Variants in SLC33A1 observed in about 807,000 individuals in gnomAD.
SLC33A1 encodes acetyl-coenzyme A transporter 1.
A neutral mutation model predicts 50.0 loss-of-function variants in SLC33A1; 20 were observed. That is an observed-to-expected ratio of 0.40 (90% confidence interval 0.28 to 0.58). The LOEUF (loss-of-function observed/expected upper bound fraction) is 0.58. Ranked by LOEUF, SLC33A1 falls within the 20% of genes least tolerant of loss-of-function variation. SLC33A1 has a pLI of 0.44. For missense variants in SLC33A1, 476 were observed against 657.0 expected, an observed-to-expected ratio of 0.72 and a Z score of 3.01; for synonymous variants, 265 against 251.8, an observed-to-expected ratio of 1.05 and a Z score of -0.50.
At chr3:155,851,390 T>G (rs1336630464) in intron 1 of SLC33A1, among the ~76,000 whole-genome samples, 1 of 146,530 alleles carries the variant, frequency 6.8e-6, no homozygotes, top group Non-Finnish European at 1.5e-5. Context: ...GTTACAGGCC[T>G]TCGCAAAACA....
In SLC33A1 at chr3:155,841,696, A is replaced by T. The variant is rs561592292; in HGVS notation, c.963+736T>A. ...TACTTAAATAATTCAATGGATTTTT[A>T]AAAAATTGACTTCTAATACTCATAT... On this transcript the variant is annotated intron_variant, in intron 2 of 5. Coordinates refer to ENST00000643144, the MANE Select transcript of SLC33A1 (RefSeq NM_004733.4). 1.2e-3 allele frequency among the ~76,000 whole-genome samples: 183 copies of T among 152,148 alleles called. 1 individual carries two copies. Among genetic ancestry groups the T allele is most frequent in the African/African-American group, 3.6e-3 (149 of 41,536 alleles).
chr3:155,839,300 C>CAAAAAA (rs550171374), intron 2 of SLC33A1, among the ~76,000 whole-genome samples: 1 of 25,702 alleles, frequency 3.9e-5, no homozygotes, highest in African/African-American at 6.4e-5. Context: ...AACTCCGCCT[C>CAAAAAA]AAAAAAAAAA....
rs1295542329 is a variant in SLC33A1, at chr3:155,827,900, G to A, written c.*310C>T. 4 of 292,120 alleles carry A rather than the reference G, an allele frequency of 1.4e-5. No individual in the cohort carries two copies. The highest frequency in any genetic ancestry group is 2.2e-5 in the African/African-American group (1 of 45,104). The allele number at this position is 292,120 out of a possible 1,614,324, so 18.1% of individuals were successfully genotyped here. On this transcript the variant is annotated 3_prime_UTR_variant, in exon 6 of 6. Coordinates refer to ENST00000643144, the MANE Select transcript of SLC33A1 (RefSeq NM_004733.4). The stretch of plus-strand genomic sequence containing the variant: ...ATACCTGACTACATGGTTACCACCC[G>A]TGACTACTGCATTGCAGCTTAAAAC...
rs1046358183 is a variant in SLC33A1 at position 155,825,380 on chromosome 3, T to C, written c.*2830A>G. The C allele has an allele frequency of 3.3e-5, 5 of 151,974 alleles. No individual in the cohort carries two copies. Among genetic ancestry groups the C allele is most frequent in the African/African-American group, 1.2e-4 (5 of 41,364 alleles). The allele number at this position is 151,974 out of a possible 1,614,324, so 9.4% of individuals were successfully genotyped here. ...TATATTGACCAGGTTGGTCTTGAAC[T>C]CTTGACCTCAAGTGATCCTCCTGCC... On this transcript the variant is annotated 3_prime_UTR_variant, in exon 6 of 6. Transcript: ENST00000643144.
chr3:155,842,994 T>G (rs1418179364), intron 1 of SLC33A1: 2 of 126,450 alleles, frequency 1.6e-5, no homozygotes, highest in Non-Finnish European at 3.1e-5. Flanking sequence ...GAGTGAGACC[T>G]TGTCTAAAAA....
chr3:155,853,544 CTAGTA>C lies in SLC33A1; in HGVS notation c.449_453del (p.Ile150ArgfsTer20), dbSNP rs780585240. The stretch of plus-strand genomic sequence containing the variant: ...GTGGATAAATAGATCATGAAGAGTC[CTAGTA>C]TATACTGTGTCGGGACAAGCCAAGA... On this transcript the variant is annotated frameshift_variant, in exon 1 of 6. Transcript: ENST00000643144. LOFTEE classifies it high-confidence loss of function. 6.2e-7 allele frequency: 1 copy of C among 1,613,996 alleles called. No homozygotes were observed.
chr3:155,842,585 T>C lies in SLC33A1; in HGVS notation c.810A>G (p.Ile270Met), dbSNP rs541488375. Residue 270 changes from isoleucine (I) to methionine (M), a missense_variant, in exon 2 of 6, where the codon ATA becomes ATG. By Grantham distance (10) the Ile-to-Met change is conservative (BLOSUM62 1). Coordinates refer to ENST00000643144, the MANE Select transcript of SLC33A1 (RefSeq NM_004733.4). ...TCAGAAGGGCAACCAATGTTGTTGT[T>C]ATTAAAAATACAGTTCCCCAGAAAA... ...FLFFWGTVFL[I>M]TTTLVALLKK... The C allele has an allele frequency of 6.3e-7, 1 of 1,586,440 alleles. No individual in the cohort carries two copies. The highest frequency in any genetic ancestry group is 1.3e-5 in the African/African-American group (1 of 74,082).
intron 1 of SLC33A1, 25 bp downstream of exon 1, chr3:155,853,198 C>T: frequency 6.3e-7 from 1 of 1,593,156 alleles, no homozygotes; most frequent in Non-Finnish European, 8.6e-7. Flanking sequence ...ATAAACCTAA[C>T]ACCATAATAG....
rs1560009724 is a variant in SLC33A1 at position 155,826,889 on chromosome 3, A to C, written c.*1321T>G. The C allele has an allele frequency of 6.6e-6, 1 of 152,336 alleles. No homozygotes were observed. Among genetic ancestry groups the C allele is most frequent in the Middle Eastern group, 3.4e-3 (1 of 294 alleles). 9.4% of individuals were successfully genotyped at this position (152,336 alleles called of 1,614,324 possible). ...CCACAATGATAAAATTAAGACTCAT[A>C]ATGTACTATCTTGTTTCGTCTAACT... On this transcript the variant is annotated 3_prime_UTR_variant, in exon 6 of 6. Transcript: ENST00000643144.
chr3:155,849,744 C>G (rs1177433869), intron 1 of SLC33A1, among the ~76,000 whole-genome samples: 2 of 151,270 alleles, frequency 1.3e-5, no homozygotes, highest in African/African-American at 2.4e-5. Context: ...CCCATCTCTA[C>G]CAAAAATACA....
rs908193240 is a variant in SLC33A1 at position 155,821,027 on chromosome 3, C to CAT, written c.*7181_*7182dup. ...TAATAAAAATGAAAACAAGATATTT[C>CAT]ATTAATGTTTTATTTTTTAGAGAAT... On this transcript the variant is annotated 3_prime_UTR_variant, in exon 6 of 6. Coordinates refer to ENST00000643144, the MANE Select transcript of SLC33A1 (RefSeq NM_004733.4). 6.6e-6 allele frequency: 1 copy of CAT among 152,050 alleles called. No homozygotes were observed. Among genetic ancestry groups the CAT allele is most frequent in the Non-Finnish European group, 1.5e-5 (1 of 68,006 alleles). 9.4% of individuals were successfully genotyped at this position (152,050 alleles called of 1,614,324 possible). A position where few individuals can be genotyped will look rare whatever the true frequency, so the allele number is the denominator to read the frequency against.
At chr3:155,831,454 T>C (rs549205141) in intron 4 of SLC33A1, among the ~76,000 whole-genome samples, 1,182 of 46,714 alleles carry the variant, frequency 0.025, 32 homozygotes, top group African/African-American at 0.098. Context: ...TGAGACTCTG[T>C]CTCAAAAAAA....
At chr3:155,846,040 A>T (rs1471044961) in intron 1 of SLC33A1, among the ~76,000 whole-genome samples, 3 of 152,236 alleles carry the variant, frequency 2.0e-5, no homozygotes, top group African/African-American at 7.2e-5. Context: ...AAATATTCTG[A>T]AGTGGCTGCA....
rs569800250 is a variant in SLC33A1, at chr3:155,842,317, T to C, written c.963+115A>G. 9.3e-6 allele frequency: 6 copies of C among 644,612 alleles called. No homozygotes were observed. The South Asian group carries it at 9.6e-5, about 10-fold the overall frequency. 39.9% of individuals were successfully genotyped at this position (644,612 alleles called of 1,614,324 possible). On this transcript the variant is annotated intron_variant, in intron 2 of 5. Transcript: ENST00000643144. ...AATAAACAGAAAATATTGTTTTTCA[T>C]TGTTAAATTCTAATGGTAGTGGAAA...
intron 2 of SLC33A1, among the ~76,000 whole-genome samples, chr3:155,836,339 G>GAAAAATTAT (rs1752677711): frequency 1.9e-5 from 1 of 51,750 alleles, no homozygotes; most frequent in Non-Finnish European, 4.7e-5. Context: ...AAGAAAGAAA[G>GAAAAATTAT]AAAAATTATA....
intron 2 of SLC33A1, among the ~76,000 whole-genome samples, chr3:155,842,008 A>G (rs1298441957): frequency 1.3e-5 from 2 of 152,172 alleles, no homozygotes; most frequent in African/African-American, 4.8e-5. Context: ...TCGGCCTCCC[A>G]AAGTGCTGAG....
Position 155,822,246 on chromosome 3 carries a change from T to C in SLC33A1, c.*5964A>G, listed in dbSNP as rs1229207879. The C allele has an allele frequency of 6.6e-6, 1 of 152,164 alleles. No homozygotes were observed. Among genetic ancestry groups the C allele is most frequent in the Non-Finnish European group, 1.5e-5 (1 of 68,030 alleles). The allele number at this position is 152,164 out of a possible 1,614,324, so 9.4% of individuals were successfully genotyped here. A position where few individuals can be genotyped will look rare whatever the true frequency, so the allele number is the denominator to read the frequency against. On this transcript the variant is annotated 3_prime_UTR_variant, in exon 6 of 6. Coordinates refer to ENST00000643144, the MANE Select transcript of SLC33A1 (RefSeq NM_004733.4). Reference sequence around the variant, plus strand: ...TAAGAATAGGCTTTAATATTTACATTAGTGATTGATTAATTGTAGCTGACT... The same window carrying C: ...TAAGAATAGGCTTTAATATTTACATCAGTGATTGATTAATTGTAGCTGACT...
chr3:155,835,800 T>C (rs180869541), intron 2 of SLC33A1, among the ~76,000 whole-genome samples: 329 of 152,220 alleles, frequency 2.2e-3, no homozygotes, highest in Middle Eastern at 6.8e-3. Context: ...ACCACAGATC[T>C]GGCAACACAT....
intron 2 of SLC33A1, among the ~76,000 whole-genome samples, chr3:155,834,937 G>T (rs569772672): frequency 3.4e-4 from 52 of 152,100 alleles, no homozygotes; most frequent in Non-Finnish European, 7.2e-4. Flanking sequence ...GACAATGAAA[G>T]GCCATACCAA....
Sources: gnomAD v4.1 joint callset for allele counts (sites outside exome capture counted in the v4.1 genomes callset) on GRCh38, gnomAD v4.1.1 for gene constraint, MANE v1.5 for transcripts, NCBI Gene and HGNC (gene_info 2026-07-23, HGNC 2026-07-21) for gene names.